Variants in PTPRT observed in about 807,000 individuals in gnomAD.
PTPRT encodes receptor-type tyrosine-protein phosphatase T.
A neutral mutation model predicts 176.8 loss-of-function variants in PTPRT; 56 were observed. The ratio of observed to expected loss-of-function variants is 0.32; its 90% CI spans 0.26 to 0.40. The LOEUF is 0.40. Among genes scored for constraint, PTPRT ranks in the 10% least tolerant of loss-of-function variants. The probability of loss-of-function intolerance (pLI) is 1.00; values close to 1 mark genes in which losing one functional copy is unlikely to be tolerated. For synonymous variants in PTPRT, 783 were observed against 739.0 expected, an observed-to-expected ratio of 1.06 and a Z score of -0.96; for missense variants, 1,540 against 1,908.2, an observed-to-expected ratio of 0.81 and a Z score of 3.60.
At chr20:43,138,838 A>C (rs1046655942) in intron 1 of PTPRT, among the ~76,000 whole-genome samples, 1 of 152,168 alleles carries the variant, frequency 6.6e-6, no homozygotes, top group Admixed American at 6.5e-5. Context: ...TTTTGTCAAC[A>C]TGAAACCAAA....
chr20:42,321,795 A>G (rs1229436521), intron 11 of PTPRT, among the ~76,000 whole-genome samples: 2 of 152,164 alleles, frequency 1.3e-5, no homozygotes, highest in Non-Finnish European at 2.9e-5. Flanking sequence ...TAAAAAAAAG[A>G]ATTTAAGGTC....
intron 6 of PTPRT, among the ~76,000 whole-genome samples, chr20:42,707,109 A>G (rs1321077307): frequency 2.6e-5 from 4 of 152,132 alleles, no homozygotes; most frequent in Non-Finnish European, 4.4e-5. Context: ...CCCTGCTAAC[A>G]CCTTGCTGTC....
chr20:42,531,931 C>T (rs909976319), intron 7 of PTPRT, among the ~76,000 whole-genome samples: 1 of 152,184 alleles, frequency 6.6e-6, no homozygotes, highest in African/African-American at 2.4e-5. Flanking sequence ...GTGCTATTGT[C>T]TGTCTGCTGG....
intron 19 of PTPRT, among the ~76,000 whole-genome samples, chr20:42,126,722 G>T (rs974802812): frequency 1.1e-4 from 16 of 152,138 alleles, no homozygotes; most frequent in African/African-American, 3.4e-4. Flanking sequence ...TCCCTTTTAG[G>T]TCAGAGACCT....
At chr20:42,432,055 G>A (rs1432462766) in intron 9 of PTPRT, among the ~76,000 whole-genome samples, 1 of 152,206 alleles carries the variant, frequency 6.6e-6, no homozygotes. Context: ...TCAGGGGCAT[G>A]GCTCATAGGA....
At chr20:42,777,901 C>T (rs1402117536) in intron 4 of PTPRT, among the ~76,000 whole-genome samples, 1 of 152,174 alleles carries the variant, frequency 6.6e-6, no homozygotes, top group Non-Finnish European at 1.5e-5. Flanking sequence ...ATGGGGTCTT[C>T]ACATCATGCT....
In PTPRT at chr20:43,064,283, C is replaced by T. The variant is rs1303764078; in HGVS notation, c.88+125363G>A. ...GTTTCCCATCACCAGTTGAATTTCACAGACCTATAGGAAGACAGAGCCACA... is the reference window on the plus strand; with the variant it reads ...GTTTCCCATCACCAGTTGAATTTCATAGACCTATAGGAAGACAGAGCCACA... On this transcript the variant is annotated intron_variant, in intron 1 of 30. Transcript: ENST00000373187. Among the ~76,000 whole-genome samples, 4 of 152,276 alleles carry T rather than the reference C, an allele frequency of 2.6e-5. No homozygotes were observed. The East Asian group carries it at 7.7e-4, about 29-fold the overall frequency.
chr20:42,734,984 G>A (rs2076517102), intron 6 of PTPRT, among the ~76,000 whole-genome samples: 1 of 152,190 alleles, frequency 6.6e-6, no homozygotes, highest in East Asian at 1.9e-4. Context: ...CTCTGCCCAT[G>A]GGGAGGGATC....
chr20:43,134,091 A>G (rs1371123576), intron 1 of PTPRT, among the ~76,000 whole-genome samples: 1 of 152,226 alleles, frequency 6.6e-6, no homozygotes, highest in Non-Finnish European at 1.5e-5. Context: ...CATGATAAAC[A>G]CCACCATAAA....
chr20:42,160,531 G>C (rs1002350889), intron 17 of PTPRT, among the ~76,000 whole-genome samples: 5 of 151,954 alleles, frequency 3.3e-5, no homozygotes, highest in African/African-American at 1.2e-4. Context: ...GCTGAGGGGT[G>C]GGGGTGGAGG....
At position 42,409,456 on chromosome 20, in the gene PTPRT, T is replaced by C. The variant is rs1408312225; in HGVS notation, c.1560+38764A>G. ...GAGATCGTGCCACTGTACTCCAGCC[T>C]GGGCAACAGAACGAGACTCTGTCGC... On this transcript the variant is annotated intron_variant, in intron 9 of 30. Transcript: ENST00000373187. Among the ~76,000 whole-genome samples, 3 of 122,704 alleles carry C rather than the reference T, an allele frequency of 2.4e-5. No individual in the cohort carries two copies. In the East Asian group the frequency reaches 8.1e-4, roughly 33 times the overall value. 80.5% of individuals were successfully genotyped at this position (122,704 alleles called of 152,430 possible). A position where few individuals can be genotyped will look rare whatever the true frequency, so the allele number is the denominator to read the frequency against.
chr20:42,732,701 G>C (rs554294465), intron 6 of PTPRT, among the ~76,000 whole-genome samples: 1 of 152,314 alleles, frequency 6.6e-6, no homozygotes, highest in South Asian at 2.1e-4. Context: ...AAGTTGATTA[G>C]AACTCAGGTT....
chr20:42,066,453 T>TC, the PTPRT span, among the ~76,000 whole-genome samples: 1 of 151,682 alleles, frequency 6.6e-6, no homozygotes, highest in Non-Finnish European at 1.5e-5. Context: ...TGTAGGGGTT[T>TC]TTTTGGTGTG....
chr20:42,784,216 T>C (rs1185395393), intron 3 of PTPRT, among the ~76,000 whole-genome samples: 3 of 152,154 alleles, frequency 2.0e-5, no homozygotes, highest in African/African-American at 7.2e-5. Flanking sequence ...TTCCAAAAAA[T>C]GGTTTTTGTT....
In PTPRT at chr20:42,614,942, T is replaced by A. The variant is rs1428701233; in HGVS notation, c.1153+62924A>T. On this transcript the variant is annotated intron_variant, in intron 7 of 30. Transcript: ENST00000373187. ...GTTTTCTTTTTTTTTTTTCTATTTT[T>A]TTTTTAATTATACTTTAAGTTTTAG... 9.8e-5 allele frequency among the ~76,000 whole-genome samples: 14 copies of A among 142,146 alleles called. No individual in the cohort carries two copies. In the East Asian group the frequency reaches 2.2e-3, roughly 22 times the overall value. The allele number at this position is 142,146 out of a possible 152,430, so 93.3% of individuals were successfully genotyped here.
intron 3 of PTPRT, among the ~76,000 whole-genome samples, chr20:42,782,341 C>T (rs778946271): frequency 6.6e-6 from 1 of 152,148 alleles, no homozygotes; most frequent in Non-Finnish European, 1.5e-5. Flanking sequence ...CAGCTCTGCA[C>T]CCTAGACCTT....
chr20:42,117,750 C>T (rs530739928), intron 21 of PTPRT, among the ~76,000 whole-genome samples: 17 of 152,210 alleles, frequency 1.1e-4, no homozygotes, highest in African/African-American at 4.1e-4. Context: ...AACAGAGCCA[C>T]CCTGTGAGTC....
the PTPRT span, among the ~76,000 whole-genome samples, chr20:42,049,490 C>T: frequency 1.3e-3 from 204 of 152,316 alleles, no homozygotes; most frequent in African/African-American, 4.7e-3. Flanking sequence ...TGAATAGATT[C>T]CTTAAAGGGA....
intron 7 of PTPRT, among the ~76,000 whole-genome samples, chr20:42,664,231 T>C (rs1272146460): frequency 6.6e-6 from 1 of 152,240 alleles, no homozygotes. Context: ...TTTCTATCAA[T>C]GTGATTACAT....
Sources: allele counts gnomAD v4.1 joint callset (sites outside exome capture counted in the v4.1 genomes callset), GRCh38; gene constraint gnomAD v4.1.1; transcripts MANE v1.5; gene names NCBI Gene and HGNC (gene_info 2026-07-23, HGNC 2026-07-21).